The following TRAF3IP3 variants were observed in gnomAD, a reference collection of about 807,000 sequenced individuals.
TRAF3IP3 encodes the protein TRAF3 interacting protein 3, also known as TRAF3-interacting JNK-activating modulator.
Under a neutral mutation model 86.5 loss-of-function variants are expected in TRAF3IP3, and 64 were observed. The ratio of observed to expected loss-of-function variants is 0.74; its 90% CI spans 0.60 to 0.91. TRAF3IP3 has a LOEUF of 0.91. Among genes scored for constraint, TRAF3IP3 ranks in the 40% least tolerant of loss-of-function variants. The pLI, the probability that TRAF3IP3 is intolerant of heterozygous loss-of-function variation, is 0.00. For missense variants in TRAF3IP3, 579 were observed against 642.9 expected, an observed-to-expected ratio of 0.90 and a Z score of 1.07; for synonymous variants, 220 against 243.9, an observed-to-expected ratio of 0.90 and a Z score of 0.91.
chr1:209,758,275 G>T (rs2077187357), intron 1 of TRAF3IP3, among the ~76,000 whole-genome samples: 1 of 152,158 alleles, frequency 6.6e-6, no homozygotes, highest in Non-Finnish European at 1.5e-5. Flanking sequence ...ACAAAGAAGA[G>T]AGCCATTCAG....
intron 14 of TRAF3IP3, 36 bp from the exon 15 acceptor site, chr1:209,780,434 G>A: frequency 6.6e-7 from 1 of 1,515,818 alleles, no homozygotes; most frequent in Non-Finnish European, 8.9e-7. Flanking sequence ...AGAGGTGTGG[G>A]CCTCACTGTC....
intron 14 of TRAF3IP3, 119 bp from the exon 15 acceptor site, chr1:209,780,351 G>A: frequency 1.0e-6 from 1 of 956,290 alleles, no homozygotes; most frequent in Non-Finnish European, 1.5e-6. Flanking sequence ...CATCAGTCTA[G>A]CCAAGAGCAC....
intron 15 of TRAF3IP3, 63 bp from the exon 16 acceptor site, chr1:209,781,282 C>G: frequency 2.6e-6 from 3 of 1,136,874 alleles, no homozygotes; most frequent in Non-Finnish European, 4.0e-6. Flanking sequence ...AGGGCAGTCT[C>G]CCCTGCCTGG....
At chr1:209,771,822 T>G (rs2077542219) in intron 8 of TRAF3IP3, among the ~76,000 whole-genome samples, 1 of 132,200 alleles carries the variant, frequency 7.6e-6, no homozygotes, top group Non-Finnish European at 1.6e-5. Flanking sequence ...CATGTGAAGG[T>G]GTGTGTGTGC....
chr1:209,763,462 C>T (rs1167614649), intron 7 of TRAF3IP3, 30 bp from the exon 8 acceptor site: 3 of 1,613,058 alleles, frequency 1.9e-6, no homozygotes. Context: ...GTTAATCTTA[C>T]CCTCTTGCAC....
Position 209,777,437 on chromosome 1 carries a change from G to A in TRAF3IP3, c.1139G>A (p.Cys380Tyr), listed in dbSNP as rs1354737306. ...CAGCAACTGCAGGCCAAGATTGAAT[G>A]CCTGCAAGGGGACAGAGACCTGTGC... ...EHQQLQAKIE[C>Y]LQGDRDLCSL... Residue 380 changes from cysteine to tyrosine, a missense_variant, in exon 12 of 17, where the codon TGC (cysteine) becomes TAC (tyrosine). By Grantham distance (194) the Cys-to-Tyr change is radical. Transcript: ENST00000367025. 3.1e-6 allele frequency: 5 copies of A among 1,614,116 alleles called. No individual in the cohort carries two copies. Among genetic ancestry groups the A allele is most frequent in the Middle Eastern group, 1.7e-4 (1 of 6,052 alleles).
intron 16 of TRAF3IP3, 31 bp downstream of exon 16, chr1:209,781,489 T>C: frequency 6.7e-7 from 1 of 1,503,060 alleles, no homozygotes. Flanking sequence ...CATAAAGCCC[T>C]GGATGATGGG....
chr1:209,759,853 C>G, intron 2 of TRAF3IP3, 129 bp from the exon 3 acceptor site: 1 of 595,346 alleles, frequency 1.7e-6, no homozygotes. Context: ...TTTGATACCA[C>G]CATGTCCTCA....
At chr1:209,778,459 GTTC>G (rs1229673349) in intron 13 of TRAF3IP3, 3 of 393,654 alleles carry the variant, frequency 7.6e-6, no homozygotes, top group South Asian at 5.9e-5. Context: ...TCCTAAAGCA[GTTC>G]TTATTTTATA....
intron 12 of TRAF3IP3, 23 bp downstream of exon 12, chr1:209,777,510 T>C: frequency 6.3e-7 from 1 of 1,586,316 alleles, no homozygotes; most frequent in Non-Finnish European, 8.6e-7. Flanking sequence ...TTGGAGGCCT[T>C]GAGTGCATGG....
chr1:209,763,680 T>C (rs2102442640), intron 8 of TRAF3IP3, 93 bp downstream of exon 8: 1 of 1,068,358 alleles, frequency 9.4e-7, no homozygotes, highest in East Asian at 2.6e-5. Flanking sequence ...AGAGAAGGGG[T>C]TTTCTCACTA....
At position 209,762,877 on chromosome 1, in the gene TRAF3IP3, T is replaced by A. The variant is rs2077271681; in HGVS notation, c.551+7T>A. 2 of 1,614,162 alleles carry A rather than the reference T, an allele frequency of 1.2e-6. No homozygotes were observed. The highest frequency in any genetic ancestry group is 8.5e-7 in the Non-Finnish European group (1 of 1,180,026). On this transcript the variant is annotated splice_region_variant and intron_variant, in intron 5 of 16. Coordinates refer to ENST00000367025, the MANE Select transcript of TRAF3IP3 (RefSeq NM_025228.4). Reference sequence around the variant, plus strand: ...ATGCCAGTCAGCAAACCAAGTGAGTTCCTGACCCTAACCCTCTCACATCCC... The same window carrying A: ...ATGCCAGTCAGCAAACCAAGTGAGTACCTGACCCTAACCCTCTCACATCCC...
At chr1:209,757,364 G>T (rs972140614) in intron 1 of TRAF3IP3, among the ~76,000 whole-genome samples, 1 of 152,200 alleles carries the variant, frequency 6.6e-6, no homozygotes, top group South Asian at 2.1e-4. Flanking sequence ...AAGAAGGTAG[G>T]AGGATTCTCA....
Position 209,775,728 on chromosome 1 carries a change from A to C in TRAF3IP3, c.1045A>C (p.Lys349Gln), listed in dbSNP as rs1473847104. ...LESQLHVLQSKLQGADSRDLQ... is the reference protein window; with the variant it reads ...LESQLHVLQSQLQGADSRDLQ... ...GAGCCAACTCCACGTGCTTCAGTCC[A>C]AACTGCAGGTACCAGGCACTGGGGG... The change falls in exon 11 of 17, where the codon AAA becomes CAA. Residue 349 changes from lysine (K) to glutamine (Q), a missense_variant. Physicochemically the swap from Lys to Gln is moderately conservative, Grantham distance 53. Transcript: ENST00000367025. The C allele has an allele frequency of 5.0e-6, 8 of 1,611,554 alleles. No homozygotes were observed. The highest frequency in any genetic ancestry group is 6.8e-6 in the Non-Finnish European group (8 of 1,178,978).
chr1:209,781,540 C>A, intron 16 of TRAF3IP3, 82 bp downstream of exon 16: 1 of 983,394 alleles, frequency 1.0e-6, no homozygotes, highest in Non-Finnish European at 1.6e-6. Flanking sequence ...TAAAATATAT[C>A]AGCCCACGCC....
At chr1:209,768,888 G>T (rs2077408975) in intron 8 of TRAF3IP3, among the ~76,000 whole-genome samples, 1 of 152,206 alleles carries the variant, frequency 6.6e-6, no homozygotes, top group African/African-American at 2.4e-5. Flanking sequence ...GACGTTTTGG[G>T]GAGTCCAGAA....
chr1:209,780,725 A>G, intron 15 of TRAF3IP3, 119 bp downstream of exon 15: 1 of 946,296 alleles, frequency 1.1e-6, no homozygotes, highest in Non-Finnish European at 1.4e-6. Context: ...ACAGACATTC[A>G]TTTGCCTACA....
At chr1:209,778,196 G>A (rs771539554) in intron 13 of TRAF3IP3, 23 bp downstream of exon 13, 3 of 1,612,084 alleles carry the variant, frequency 1.9e-6, no homozygotes, top group Non-Finnish European at 2.5e-6. Flanking sequence ...TCCAGATTCT[G>A]AAAGTCCACA....
At chr1:209,765,235 A>AGAG (rs1558013113) in intron 8 of TRAF3IP3, among the ~76,000 whole-genome samples, 1 of 82,214 alleles carries the variant, frequency 1.2e-5, no homozygotes, top group African/African-American at 4.6e-5. Context: ...GAGAGGAAGG[A>AGAG]AGGAAGGAAG....
Sources: gnomAD v4.1 joint callset for allele counts (sites outside exome capture counted in the v4.1 genomes callset) on GRCh38, gnomAD v4.1.1 for gene constraint, MANE v1.5 for transcripts, NCBI Gene and HGNC (gene_info 2026-07-23, HGNC 2026-07-21) for gene names.